Variants in MTOR observed in about 807,000 individuals in gnomAD.
The protein encoded by MTOR is mechanistic target of rapamycin kinase, also known as serine/threonine-protein kinase mTOR.
A neutral mutation model predicts 319.8 loss-of-function variants in MTOR; 70 were observed. That is an observed-to-expected ratio of 0.22 (90% CI 0.18 to 0.27). MTOR has a LOEUF of 0.27. MTOR is among the 10% of genes least tolerant of loss of function. The probability of loss-of-function intolerance (pLI) is 1.00; values close to 1 mark genes in which losing one functional copy is unlikely to be tolerated. For missense variants in MTOR, 1,890 were observed against 3,274.4 expected (o/e 0.58, Z 10.32); for synonymous variants, 1,183 against 1,211.4 (o/e 0.98, Z 0.49).
At chr1:11,155,293 G>A (rs908785383) in intron 30 of MTOR, among the ~76,000 whole-genome samples, 1 of 152,132 alleles carries the variant, frequency 6.6e-6, no homozygotes, top group African/African-American at 2.4e-5. Context: ...GAAAACAGCA[G>A]AGTGCAAAAT....
At chr1:11,255,382 CAAAAAAAAAAAAAAAAAAA>C (rs56328160) in intron 5 of MTOR, among the ~76,000 whole-genome samples, 1 of 98,236 alleles carries the variant, frequency 1.0e-5, no homozygotes, top group African/African-American at 6.3e-5. Context: ...ACTCCATCTC[CAAAAAAAAAAAAAAAAAAA>C]AAAAAAAAGA....
chr1:11,257,017 A>G lies in MTOR; in HGVS notation c.420T>C (p.Phe140=), dbSNP rs1490452686. 1.9e-6 allele frequency: 3 copies of G among 1,614,136 alleles called. No homozygotes were observed. Among genetic ancestry groups the G allele is most frequent in the Non-Finnish European group, 2.5e-6 (3 of 1,180,008 alleles). Reference sequence around the variant, plus strand: ...CCTCAAATTCCACGTACTCAGCGGTAAAAGTGTCCCCTGCCATGGCAAGAC... The same window carrying G: ...CCTCAAATTCCACGTACTCAGCGGTGAAAGTGTCCCCTGCCATGGCAAGAC... ...IGRLAMAGDT[F]TAEYVEFEVK... is the part of the protein sequence containing the mutation. The change falls in exon 4 of 58, where the codon TTT becomes TTC. Residue 140 remains phenylalanine (F), a synonymous_variant. Transcript: ENST00000361445.
intron 28 of MTOR, among the ~76,000 whole-genome samples, chr1:11,168,214 T>TC (rs1644708575): frequency 6.6e-6 from 1 of 150,874 alleles, no homozygotes. Context: ...CTCTGAACTT[T>TC]TTTTTTTTTT....
chr1:11,234,885 T>A (rs1883964), intron 13 of MTOR, among the ~76,000 whole-genome samples: 98,645 of 151,970 alleles, frequency 0.65, 34,132 homozygotes, highest in East Asian at 0.91. Context: ...TCAGCATATC[T>A]TGCTCATGGT....
chr1:11,234,393 CT>C, intron 13 of MTOR, 128 bp from the exon 14 acceptor site: 12 of 1,060,334 alleles, frequency 1.1e-5, no homozygotes, highest in Non-Finnish European at 1.5e-5. Context: ...GAAGTAGCTG[CT>C]AGATACTCAA....
At chr1:11,233,575 C>A (rs1391018233) in intron 14 of MTOR, 88 bp from the exon 15 acceptor site, 2 of 964,646 alleles carry the variant, frequency 2.1e-6, no homozygotes, top group African/African-American at 1.7e-5. Context: ...CCCAAGAGAC[C>A]ATCTCAGTCA....
At chr1:11,221,929 TATAA>T (rs770450688) in intron 19 of MTOR, among the ~76,000 whole-genome samples, 57 of 150,544 alleles carry the variant, frequency 3.8e-4, no homozygotes, top group Non-Finnish European at 7.5e-4. Context: ...TGGTTTACAG[TATAA>T]ATAAAGATAA....
In MTOR at chr1:11,115,375, G is replaced by T; in HGVS notation, c.7089+21C>A. ...TGATCACCCGGGAAGATGAGGTTGGGGTTCTAGAACATGTGTTCACCTCAA... is the reference window on the plus strand; with the variant it reads ...TGATCACCCGGGAAGATGAGGTTGGTGTTCTAGAACATGTGTTCACCTCAA... On this transcript the variant is annotated intron_variant, in intron 51 of 57. Transcript: ENST00000361445. The surrounding 1 kb of genome is among the most constrained non-coding windows in gnomAD (Gnocchi z 4.5). 2 of 1,612,024 alleles carry T rather than the reference G, an allele frequency of 1.2e-6. No homozygotes were observed. The highest frequency in any genetic ancestry group is 1.7e-6 in the Non-Finnish European group (2 of 1,178,188).
intron 32 of MTOR, among the ~76,000 whole-genome samples, chr1:11,145,834 G>A (rs7541835): frequency 0.03 from 4,554 of 152,178 alleles, 177 homozygotes; most frequent in Admixed American, 0.071. Context: ...ACTTTTTCTT[G>A]CTGGGCATGT....
chr1:11,216,076 G>A lies in MTOR; in HGVS notation c.3117+72C>T. 3 of 1,078,324 alleles carry A rather than the reference G, an allele frequency of 2.8e-6. No homozygotes were observed. The South Asian group carries it at 4.0e-5, about 14-fold the overall frequency. 66.8% of individuals were successfully genotyped at this position (1,078,324 alleles called of 1,614,324 possible). A position where few individuals can be genotyped will look rare whatever the true frequency, so the allele number is the denominator to read the frequency against. Reference sequence around the variant, plus strand: ...CAAAGATCCGTGAAAAAAAGTCTATGTCATTCAAACTTGCTTCTGAGCCTT... The same window carrying A: ...CAAAGATCCGTGAAAAAAAGTCTATATCATTCAAACTTGCTTCTGAGCCTT... On this transcript the variant is annotated intron_variant, in intron 20 of 57. Transcript: ENST00000361445.
At chr1:11,201,823 T>C (rs76816018) in intron 26 of MTOR, among the ~76,000 whole-genome samples, 1 of 152,214 alleles carries the variant, frequency 6.6e-6, no homozygotes, top group Admixed American at 6.5e-5. Context: ...AAAAATTTTT[T>C]TGAGATGCAG....
At chr1:11,244,296 T>A (rs1296606502) in intron 8 of MTOR, among the ~76,000 whole-genome samples, 7 of 88,952 alleles carry the variant, frequency 7.9e-5, no homozygotes, top group Admixed American at 1.5e-4. Flanking sequence ...ACATCTCATT[T>A]AAAAAAAAAA....
chr1:11,128,686 T>TA lies in MTOR; in HGVS notation c.5812-135dup. Reference sequence around the variant, plus strand: ...GGTTCATTCCCTTCCCTTTAGTTTCTAAAAGAAAATAAAGAAAATATGGAC... The same window carrying TA: ...GGTTCATTCCCTTCCCTTTAGTTTCTAAAAAGAAAATAAAGAAAATATGGAC... On this transcript the variant is annotated intron_variant, in intron 41 of 57. Coordinates refer to ENST00000361445, the MANE Select transcript of MTOR (RefSeq NM_004958.4). The surrounding 1 kb of genome is among the most constrained non-coding windows in gnomAD (Gnocchi z 5.3). The TA allele has an allele frequency of 9.3e-7, 1 of 1,078,698 alleles. No homozygotes were observed. The highest frequency in any genetic ancestry group is 1.4e-6 in the Non-Finnish European group (1 of 737,712). The allele number at this position is 1,078,698 out of a possible 1,614,324, so 66.8% of individuals were successfully genotyped here.
At chr1:11,250,057 A>T (rs76728929) in intron 6 of MTOR, among the ~76,000 whole-genome samples, 13 of 113,266 alleles carry the variant, frequency 1.1e-4, no homozygotes, top group South Asian at 3.0e-4. Context: ...GCTGACCCCC[A>T]CACCTCCCTC....
chr1:11,230,975 C>T lies in MTOR; in HGVS notation c.2729G>A (p.Arg910Gln), dbSNP rs2100866102. 3.7e-6 allele frequency: 6 copies of T among 1,614,096 alleles called. No homozygotes were observed. Among genetic ancestry groups the T allele is most frequent in the Non-Finnish European group, 5.1e-6 (6 of 1,180,012 alleles). Residue 910 changes from arginine to glutamine, a missense_variant, in exon 18 of 58, where the codon CGG becomes CAG. Physicochemically the swap from Arg to Gln is conservative, Grantham distance 43. Coordinates refer to ENST00000361445, the MANE Select transcript of MTOR (RefSeq NM_004958.4). Reference sequence around the variant, plus strand: ...TGACAGGCTGACAGCAGAGGCATCCCGGGACTGGTCTATCATGCCAATGTT... The same window carrying T: ...TGACAGGCTGACAGCAGAGGCATCCTGGGACTGGTCTATCATGCCAATGTT... ...KVNIGMIDQS[R>Q]DASAVSLSES... is the part of the protein sequence containing the mutation.
At chr1:11,194,780 T>A (rs187022848) in intron 28 of MTOR, 280 of 1,598,748 alleles carry the variant, frequency 1.8e-4, no homozygotes, top group Middle Eastern at 8.4e-4. Context: ...TTTCTGACCC[T>A]GGCTCTAACT....
At position 11,233,379 on chromosome 1, in the gene MTOR, A is replaced by G. The variant is rs772995325; in HGVS notation, c.2421+19T>C. The G allele has an allele frequency of 6.2e-7, 1 of 1,609,194 alleles. No homozygotes were observed. Among genetic ancestry groups the G allele is most frequent in the Non-Finnish European group, 8.5e-7 (1 of 1,176,280 alleles). The stretch of plus-strand genomic sequence containing the variant: ...TTTCCACCCTATCTCCGCTATGGAA[A>G]AAGTAGCTGCCCCTTTACCTGTGCC... On this transcript the variant is annotated intron_variant, in intron 15 of 57. Transcript: ENST00000361445.
In MTOR at chr1:11,247,991, G is replaced by T. The variant is rs747130357; in HGVS notation, c.944C>A (p.Pro315His). The T allele has an allele frequency of 2.5e-6, 4 of 1,614,162 alleles. No individual in the cohort carries two copies. The highest frequency in any genetic ancestry group is 3.4e-6 in the Non-Finnish European group (4 of 1,180,030). Residue 315 changes from proline (P) to histidine (H), a missense_variant, in exon 7 of 58, where the codon CCC becomes CAC. Physicochemically the swap from Pro to His is moderately conservative, Grantham distance 77 (BLOSUM62 -2). Coordinates refer to ENST00000361445, the MANE Select transcript of MTOR (RefSeq NM_004958.4). The part of the protein sequence containing the change: ...GFGTKPRHIT[P>H]FTSFQAVQPQ... The stretch of plus-strand genomic sequence containing the variant: ...CTGTACAGCCTGGAAACTGGTGAAG[G>T]GGGTAATGTGACGAGGTTTTGTTCC...
chr1:11,259,539 TA>T, intron 1 of MTOR, 116 bp from the exon 2 acceptor site: 2 of 1,133,994 alleles, frequency 1.8e-6, no homozygotes, highest in South Asian at 1.7e-5. Flanking sequence ...CAGGGGATTC[TA>T]AAAAGGTTGA....
Sources: gnomAD v4.1 joint callset for allele counts (sites outside exome capture counted in the v4.1 genomes callset) on GRCh38, gnomAD v4.1.1 for gene constraint, Gnocchi (gnomAD v3.1) non-coding constraint, MANE v1.5 for transcripts, NCBI Gene and HGNC (gene_info 2026-07-23, HGNC 2026-07-21) for gene names.